Variants in ASIC2 observed in about 807,000 individuals in gnomAD.
The protein encoded by ASIC2 is acid sensing ion channel subunit 2, also known as acid-sensing ion channel 2.
Under a neutral mutation model 57.3 loss-of-function variants are expected in ASIC2, and 25 were observed. The ratio of observed to expected loss-of-function variants is 0.44; its 90% CI spans 0.32 to 0.61. The LOEUF (loss-of-function observed/expected upper bound fraction) is 0.61. ASIC2 is among the 20% of genes least tolerant of loss of function. The pLI is 0.06. For missense variants in ASIC2, 641 were observed against 738.1 expected (o/e 0.87, Z 1.52); for synonymous variants, 319 against 307.5 (o/e 1.04, Z -0.39).
chr17:33,900,545 C>T (rs1232179532), intron 1 of ASIC2, among the ~76,000 whole-genome samples: 1 of 152,064 alleles, frequency 6.6e-6, no homozygotes, highest in Non-Finnish European at 1.5e-5. Context: ...ATTATTTTGA[C>T]TCATGAGAAG....
chr17:33,630,087 A>G lies in ASIC2; in HGVS notation c.556-518020T>C, dbSNP rs939966367. ...ACCAGCGGCCATCTCTCTACTTTTC[A>G]CACAGTTGCCCCAGGGATGTTTCTG... On this transcript the variant is annotated intron_variant, in intron 1 of 9. Coordinates refer to the ASIC2 transcript ENST00000359872. Among the ~76,000 whole-genome samples, 3 of 152,124 alleles carry G rather than the reference A, an allele frequency of 2.0e-5. No individual in the cohort carries two copies. In the South Asian group the frequency reaches 6.2e-4, roughly 32 times the overall value.
chr17:34,035,165 T>C (rs1032613335), intron 1 of ASIC2, among the ~76,000 whole-genome samples: 15 of 148,236 alleles, frequency 1.0e-4, no homozygotes, highest in Admixed American at 3.3e-4. Flanking sequence ...AACAGAGATA[T>C]AGATCAATGG....
chr17:33,974,817 G>C (rs776542475), intron 1 of ASIC2, among the ~76,000 whole-genome samples: 5 of 152,034 alleles, frequency 3.3e-5, no homozygotes, highest in Admixed American at 6.6e-5. Flanking sequence ...AAGTCTACTC[G>C]AATGTCATCT....
intron 1 of ASIC2, among the ~76,000 whole-genome samples, chr17:33,599,230 G>T (rs780573815): frequency 6.6e-6 from 1 of 152,206 alleles, no homozygotes; most frequent in Non-Finnish European, 1.5e-5. Context: ...ACTAGAGGAA[G>T]CTGTGCTTGC....
chr17:33,970,117 G>A (rs532354206), intron 1 of ASIC2, among the ~76,000 whole-genome samples: 20 of 152,266 alleles, frequency 1.3e-4, no homozygotes, highest in African/African-American at 4.8e-4. Context: ...TTAATTCTTT[G>A]TTGTAGGGAG....
At chr17:33,153,350 T>C (rs984130674) in intron 1 of ASIC2, among the ~76,000 whole-genome samples, 1 of 152,100 alleles carries the variant, frequency 6.6e-6, no homozygotes, top group Non-Finnish European at 1.5e-5. Flanking sequence ...GGGGTGAGAG[T>C]GCACTTGGGA....
intron 1 of ASIC2, among the ~76,000 whole-genome samples, chr17:33,443,432 G>GTTTTTTTTTTTC (rs1911898952): frequency 1.0e-4 from 1 of 10,026 alleles, no homozygotes; most frequent in Admixed American, 8.4e-4. Context: ...TTTTTTTTTT[G>GTTTTTTTTTTTC]AGACGGAGTC....
intron 1 of ASIC2, among the ~76,000 whole-genome samples, chr17:33,570,517 C>A (rs1329085544): frequency 6.6e-6 from 1 of 152,216 alleles, no homozygotes; most frequent in Non-Finnish European, 1.5e-5. Context: ...TGGGATGCAA[C>A]CTGTCCCCTT....
intron 1 of ASIC2, among the ~76,000 whole-genome samples, chr17:33,185,494 C>T (rs1238100332): frequency 6.6e-6 from 1 of 152,076 alleles, no homozygotes; most frequent in African/African-American, 2.4e-5. Flanking sequence ...ACAAACAAAT[C>T]GTAGGTGAGC....
intron 1 of ASIC2, among the ~76,000 whole-genome samples, chr17:34,151,007 G>A (rs1904494025): frequency 6.6e-6 from 1 of 151,582 alleles, no homozygotes; most frequent in East Asian, 1.9e-4. Context: ...GGAAGCTGAG[G>A]CAGGAGAATC....
At chr17:34,088,285 T>C (rs1170014889) in intron 1 of ASIC2, among the ~76,000 whole-genome samples, 1 of 152,218 alleles carries the variant, frequency 6.6e-6, no homozygotes, top group Non-Finnish European at 1.5e-5. Flanking sequence ...TGCAGGTCTG[T>C]TGGAGTTTGC....
At chr17:33,768,442 T>C (rs111414596) in intron 1 of ASIC2, among the ~76,000 whole-genome samples, 173 of 152,324 alleles carry the variant, frequency 1.1e-3, no homozygotes, top group Admixed American at 1.9e-3. Flanking sequence ...CTTCTTTTCC[T>C]GGGAATCTAC....
At chr17:33,759,427 G>T (rs961859944) in intron 1 of ASIC2, among the ~76,000 whole-genome samples, 1 of 152,182 alleles carries the variant, frequency 6.6e-6, no homozygotes, top group Non-Finnish European at 1.5e-5. Flanking sequence ...GTACAGCCTG[G>T]CCATGTGGGA....
intron 2 of ASIC2, among the ~76,000 whole-genome samples, chr17:33,095,454 G>A (rs2092174668): frequency 1.3e-5 from 2 of 152,182 alleles, no homozygotes; most frequent in Admixed American, 1.3e-4. Flanking sequence ...CACAGTGCCT[G>A]GCATGCAGTA....
intron 1 of ASIC2, among the ~76,000 whole-genome samples, chr17:33,448,553 T>C (rs1912126377): frequency 6.6e-6 from 1 of 151,678 alleles, no homozygotes; most frequent in Non-Finnish European, 1.5e-5. Flanking sequence ...GATACTGGAG[T>C]GATGTGGCTA....
At chr17:33,145,431 G>A (rs992057046) in intron 1 of ASIC2, among the ~76,000 whole-genome samples, 13 of 152,200 alleles carry the variant, frequency 8.5e-5, no homozygotes, top group Admixed American at 3.3e-4. Flanking sequence ...ATCACCTCCC[G>A]ACTAGATCGT....
intron 1 of ASIC2, among the ~76,000 whole-genome samples, chr17:33,871,352 C>A (rs1914401443): frequency 6.6e-6 from 1 of 152,200 alleles, no homozygotes; most frequent in Admixed American, 6.5e-5. Flanking sequence ...AAATAACACA[C>A]ATAAAGCTAA....
intron 1 of ASIC2, among the ~76,000 whole-genome samples, chr17:33,872,056 C>T (rs746017186): frequency 2.0e-5 from 3 of 152,136 alleles, no homozygotes; most frequent in African/African-American, 7.2e-5. Flanking sequence ...CTAGAGTCAC[C>T]ATCCCATCTC....
chr17:33,674,582 A>G (rs965700837), intron 1 of ASIC2, among the ~76,000 whole-genome samples: 2 of 152,240 alleles, frequency 1.3e-5, no homozygotes, highest in African/African-American at 2.4e-5. Flanking sequence ...GTCCCTATGA[A>G]CAAAATACTA....
Sources: allele counts gnomAD v4.1 joint callset (sites outside exome capture counted in the v4.1 genomes callset), GRCh38; gene constraint gnomAD v4.1.1; transcripts MANE v1.5; gene names NCBI Gene and HGNC (gene_info 2026-07-23, HGNC 2026-07-21).